ZC3H12B: variants seen among roughly 807,000 people sequenced by gnomAD.
The protein encoded by ZC3H12B is probable ribonuclease ZC3H12B.
A neutral mutation model predicts 43.9 loss-of-function variants in ZC3H12B; 7 were observed. That is an observed-to-expected ratio of 0.16 (90% CI 0.09 to 0.30). ZC3H12B has a LOEUF of 0.30. ZC3H12B is among the 10% of genes least tolerant of loss of function. ZC3H12B has a pLI of 1.00. For missense variants in ZC3H12B, 475 were observed against 670.2 expected (o/e 0.71, Z 3.22); for synonymous variants, 222 against 241.7 (o/e 0.92, Z 0.76).
chrX:65,272,133 G>T, the ZC3H12B span: 1 of 108,763 alleles, frequency 9.2e-6, no homozygotes, highest in East Asian at 2.9e-4. Context: ...AGAATGGTGC[G>T]AACATGGGAG....
chrX:65,143,734 T>G, the ZC3H12B span, among the ~76,000 whole-genome samples: 1 of 108,484 alleles, frequency 9.2e-6, no homozygotes, highest in East Asian at 2.9e-4. Context: ...AGCTAATTTT[T>G]TTTTTTTAAT....
chrX:65,302,180 C>A, the ZC3H12B span, among the ~76,000 whole-genome samples: 1 of 109,696 alleles, frequency 9.1e-6, no homozygotes, highest in Non-Finnish European at 1.9e-5. Context: ...GGTTATGCAA[C>A]ATGACATGAA....
chrX:65,296,991 G>A, the ZC3H12B span, among the ~76,000 whole-genome samples: 1 of 111,423 alleles, frequency 9.0e-6, no homozygotes, highest in Non-Finnish European at 1.9e-5. Flanking sequence ...TCATATAAGG[G>A]ACATAGTTAA....
the ZC3H12B span, among the ~76,000 whole-genome samples, chrX:65,217,976 CA>C: frequency 8.9e-6 from 1 of 111,910 alleles, no homozygotes; most frequent in Non-Finnish European, 1.9e-5. Context: ...GAAGATTCAA[CA>C]CAAATAAGAC....
intron 2 of ZC3H12B, among the ~76,000 whole-genome samples, chrX:65,393,055 C>G (rs1271479507): frequency 9.0e-6 from 1 of 110,851 alleles, no homozygotes; most frequent in African/African-American, 3.3e-5. Context: ...GCAGCATGCT[C>G]GTTAAGAGTC....
chrX:65,205,828 A>G, the ZC3H12B span, among the ~76,000 whole-genome samples: 2 of 112,086 alleles, frequency 1.8e-5, no homozygotes, highest in Non-Finnish European at 3.8e-5. Flanking sequence ...AAGTTTCTGC[A>G]TACAAAATTA....
At chrX:65,319,783 A>C in the ZC3H12B span, among the ~76,000 whole-genome samples, 17 of 111,987 alleles carry the variant, frequency 1.5e-4, no homozygotes, top group African/African-American at 5.5e-4. Context: ...ACAAATCAGT[A>C]GAGGTGATTC....
chrX:65,056,834 C>G, the ZC3H12B span, among the ~76,000 whole-genome samples: 1 of 111,855 alleles, frequency 8.9e-6, no homozygotes. Context: ...GATCCCTTTA[C>G]TATTATGTAA....
chrX:65,214,176 A>G, the ZC3H12B span, among the ~76,000 whole-genome samples: 1 of 111,383 alleles, frequency 9.0e-6, no homozygotes, highest in Non-Finnish European at 1.9e-5. Flanking sequence ...CTGACTGATC[A>G]GGGTGACTGA....
chrX:65,318,780 A>AT, the ZC3H12B span, among the ~76,000 whole-genome samples: 249 of 106,821 alleles, frequency 2.3e-3, no homozygotes, highest in African/African-American at 6.3e-3. Context: ...TTTTGTTGGG[A>AT]TTTTTTTTTT....
the ZC3H12B span, among the ~76,000 whole-genome samples, chrX:65,196,640 A>G: frequency 1.8e-5 from 2 of 111,368 alleles, no homozygotes; most frequent in Non-Finnish European, 3.8e-5. Context: ...ATCAGGCACA[A>G]AGGCAACAGG....
the ZC3H12B span, among the ~76,000 whole-genome samples, chrX:65,261,826 G>C: frequency 9.0e-6 from 1 of 110,932 alleles, no homozygotes; most frequent in African/African-American, 3.3e-5. Context: ...ATCTAGATAT[G>C]TCAAAACTTG....
the ZC3H12B span, among the ~76,000 whole-genome samples, chrX:65,166,085 G>A: frequency 9.0e-6 from 1 of 110,679 alleles, no homozygotes; most frequent in Non-Finnish European, 1.9e-5. Flanking sequence ...TAGGGTACAT[G>A]TGCACAATGC....
the ZC3H12B span, among the ~76,000 whole-genome samples, chrX:65,254,752 G>A: frequency 3.6e-5 from 4 of 111,614 alleles, no homozygotes; most frequent in African/African-American, 9.8e-5. Flanking sequence ...AATATGGATA[G>A]GAATGAAGAT....
At chrX:65,081,018 C>T in the ZC3H12B span, among the ~76,000 whole-genome samples, 4 of 108,938 alleles carry the variant, frequency 3.7e-5, no homozygotes, top group Non-Finnish European at 5.7e-5. Context: ...TATTAATTTT[C>T]TTTCTGCTTT....
At chrX:65,227,208 A>G in the ZC3H12B span, among the ~76,000 whole-genome samples, 1 of 111,902 alleles carries the variant, frequency 8.9e-6, no homozygotes, top group Admixed American at 9.5e-5. Flanking sequence ...CAATCAAACT[A>G]GAACTCAGGA....
the ZC3H12B span, among the ~76,000 whole-genome samples, chrX:65,348,364 C>A: frequency 8.1e-5 from 9 of 111,460 alleles, no homozygotes; most frequent in African/African-American, 2.9e-4. Context: ...CTCAAGGTAG[C>A]ACTAAACATG....
At chrX:65,360,247 T>C in the ZC3H12B span, among the ~76,000 whole-genome samples, 1 of 112,615 alleles carries the variant, frequency 8.9e-6, no homozygotes, top group Non-Finnish European at 1.9e-5. Flanking sequence ...TTTGCTTTCT[T>C]GTAGTGGTCT....
At chrX:65,280,737 G>A in the ZC3H12B span, among the ~76,000 whole-genome samples, 1 of 111,124 alleles carries the variant, frequency 9.0e-6, no homozygotes, top group East Asian at 2.8e-4. Flanking sequence ...TGCTGTACAC[G>A]AACAACAAAC....
Sources: allele counts gnomAD v4.1 joint callset (sites outside exome capture counted in the v4.1 genomes callset), GRCh38; gene constraint gnomAD v4.1.1; transcripts MANE v1.5; gene names NCBI Gene and HGNC (gene_info 2026-07-23, HGNC 2026-07-21).